Variants in ZNF33B observed in about 807,000 individuals in gnomAD.
ZNF33B encodes the protein zinc finger protein 11b (KOX 2).
In ZNF33B, 29 loss-of-function variants were observed where a neutral mutation model predicts 45.8. The ratio of observed to expected loss-of-function variants is 0.63; its 90% CI spans 0.47 to 0.86. The LOEUF (loss-of-function observed/expected upper bound fraction) is 0.86, where lower values mean the gene tolerates loss of function less well. ZNF33B is among the 40% of genes least tolerant of loss of function. The pLI, the probability that ZNF33B is intolerant of heterozygous loss-of-function variation, is 0.00. For missense variants in ZNF33B, 831 were observed against 909.9 expected, an observed-to-expected ratio of 0.91 and a Z score of 1.12; for synonymous variants, 305 against 307.8, an observed-to-expected ratio of 0.99 and a Z score of 0.10.
intron 4 of ZNF33B, among the ~76,000 whole-genome samples, chr10:42,600,545 CTATT>C (rs1444121539): frequency 1.3e-5 from 2 of 152,210 alleles, no homozygotes; most frequent in East Asian, 1.9e-4. Flanking sequence ...TTTTGTTTAT[CTATT>C]TGTCTTTGAA....
At chr10:42,620,547 G>A (rs186503457) in intron 4 of ZNF33B, among the ~76,000 whole-genome samples, 26 of 151,178 alleles carry the variant, frequency 1.7e-4, no homozygotes, top group Admixed American at 2.6e-4. Flanking sequence ...GAACCACAGC[G>A]CACACCACCA....
At chr10:42,601,318 G>A (rs1156469751) in intron 4 of ZNF33B, among the ~76,000 whole-genome samples, 2 of 151,828 alleles carry the variant, frequency 1.3e-5, no homozygotes, top group African/African-American at 4.8e-5. Flanking sequence ...TTCTTAGATC[G>A]GTAGGTTCCC....
At chr10:42,600,060 T>C (rs759468233) in intron 4 of ZNF33B, among the ~76,000 whole-genome samples, 3 of 152,146 alleles carry the variant, frequency 2.0e-5, no homozygotes, top group Non-Finnish European at 2.9e-5. Context: ...ATACTCTATA[T>C]GACTTCAATC....
At chr10:42,575,079 C>T (rs7097881) in intron 1 of ZNF33B, among the ~76,000 whole-genome samples, 16,084 of 152,058 alleles carry the variant, frequency 0.11, 1,011 homozygotes, top group African/African-American at 0.16. Context: ...AGAAATAAAC[C>T]AGGAAAGCAA....
intron 4 of ZNF33B, among the ~76,000 whole-genome samples, chr10:42,614,086 TG>T (rs1488557262): frequency 6.6e-6 from 1 of 152,254 alleles, no homozygotes; most frequent in Non-Finnish European, 1.5e-5. Context: ...AACTTTATAG[TG>T]GACAAACTGT....
At chr10:42,575,809 C>T (rs144624589) in intron 1 of ZNF33B, among the ~76,000 whole-genome samples, 22 of 151,036 alleles carry the variant, frequency 1.5e-4, no homozygotes, top group African/African-American at 4.6e-4. Flanking sequence ...CAGCTCACCA[C>T]GACATCTGCT....
intron 4 of ZNF33B, among the ~76,000 whole-genome samples, chr10:42,612,751 T>C (rs553465018): frequency 1.3e-5 from 2 of 152,344 alleles, no homozygotes; most frequent in East Asian, 3.9e-4. Context: ...TGCATCTCTT[T>C]TCTGAAAGAC....
intron 4 of ZNF33B, among the ~76,000 whole-genome samples, chr10:42,607,280 T>C (rs973150110): frequency 6.6e-6 from 1 of 151,236 alleles, no homozygotes; most frequent in African/African-American, 2.4e-5. Context: ...CAAAGAGACA[T>C]AGTAATTTTA....
chr10:42,614,370 T>G (rs1243067105), intron 4 of ZNF33B: 1 of 153,342 alleles, frequency 6.5e-6, no homozygotes, highest in East Asian at 1.9e-4. Context: ...TAAAGAGACA[T>G]AACAACTAAA....
intron 4 of ZNF33B, among the ~76,000 whole-genome samples, chr10:42,607,940 G>A (rs1837935064): frequency 6.6e-6 from 1 of 152,144 alleles, no homozygotes; most frequent in African/African-American, 2.4e-5. Flanking sequence ...TGTTGAAAGT[G>A]TGAAAGTCCA....
intron 1 of ZNF33B, among the ~76,000 whole-genome samples, chr10:42,579,558 T>C (rs987342961): frequency 2.6e-5 from 4 of 152,198 alleles, no homozygotes; most frequent in African/African-American, 9.7e-5. Flanking sequence ...CAGTTAATCA[T>C]GGAGTGTGCA....
chr10:42,630,949 C>T (rs1197729380), intron 4 of ZNF33B, among the ~76,000 whole-genome samples: 2 of 152,132 alleles, frequency 1.3e-5, no homozygotes, highest in African/African-American at 4.8e-5. Flanking sequence ...TGAAAACCAC[C>T]AAGCACATTC....
chr10:42,638,146 C>G (rs115022240), intron 1 of ZNF33B, among the ~76,000 whole-genome samples: 2,563 of 152,336 alleles, frequency 0.017, 77 homozygotes, highest in African/African-American at 0.059. Context: ...CAGGTAGGGC[C>G]GCGCCCTAGC....
chr10:42,599,265 A>G (rs1252531669), intron 4 of ZNF33B, among the ~76,000 whole-genome samples: 5 of 151,678 alleles, frequency 3.3e-5, no homozygotes, highest in African/African-American at 9.7e-5. Context: ...GGTTTCACCG[A>G]TTTTCTCAAC....
Position 42,632,032 on chromosome 10 carries a change from C to G in ZNF33B, c.155-8G>C, listed in dbSNP as rs751631870. ...GTTTGTGAGCACAATACCCTGTTAACAGGAAATAATTTAGGATTTGGACCA... is the reference window on the plus strand; with the variant it reads ...GTTTGTGAGCACAATACCCTGTTAAGAGGAAATAATTTAGGATTTGGACCA... On this transcript the variant is annotated splice_region_variant and splice_polypyrimidine_tract_variant and intron_variant, in intron 3 of 4. Coordinates refer to ENST00000359467, the MANE Select transcript of ZNF33B (RefSeq NM_006955.3). The G allele has an allele frequency of 6.2e-7, 1 of 1,613,572 alleles. No individual in the cohort carries two copies. The highest frequency in any genetic ancestry group is 1.3e-5 in the African/African-American group (1 of 74,896).
intron 3 of ZNF33B, 71 bp downstream of exon 3, chr10:42,632,224 C>G (rs1839091463): frequency 3.2e-6 from 5 of 1,559,900 alleles, no homozygotes; most frequent in African/African-American, 1.4e-5. Flanking sequence ...TTAAACTAGA[C>G]AGACTGCCTA....
intron 4 of ZNF33B, among the ~76,000 whole-genome samples, chr10:42,613,606 T>C (rs542859341): frequency 7.2e-5 from 11 of 152,130 alleles, no homozygotes; most frequent in Non-Finnish European, 1.6e-4. Flanking sequence ...CCAGATTTCT[T>C]ACTGTTGGGT....
At chr10:42,597,219 C>T (rs1388904381) in intron 4 of ZNF33B, among the ~76,000 whole-genome samples, 13 of 151,812 alleles carry the variant, frequency 8.6e-5, no homozygotes, top group Admixed American at 6.6e-5. Context: ...GCAGAGATGA[C>T]TACATAATTG....
At chr10:42,627,098 G>A (rs563456672) in intron 4 of ZNF33B, among the ~76,000 whole-genome samples, 24 of 152,010 alleles carry the variant, frequency 1.6e-4, no homozygotes, top group Admixed American at 1.2e-3. Context: ...CCACTCCCTG[G>A]GTTCAAGCCA....
Sources: allele counts gnomAD v4.1 joint callset (sites outside exome capture counted in the v4.1 genomes callset), GRCh38; gene constraint gnomAD v4.1.1; transcripts MANE v1.5; gene names NCBI Gene and HGNC (gene_info 2026-07-23, HGNC 2026-07-21).